The following PRKG1 variants were observed in gnomAD, a reference collection of about 807,000 sequenced individuals.
The protein encoded by PRKG1 is protein kinase cGMP-dependent 1, also known as cGMP-dependent protein kinase 1.
A neutral mutation model predicts 88.1 loss-of-function variants in PRKG1; 35 were observed. The ratio of observed to expected loss-of-function variants is 0.40; its 90% CI spans 0.30 to 0.53. PRKG1 has a LOEUF of 0.53. Ranked by LOEUF, PRKG1 falls within the 20% of genes least tolerant of loss-of-function variation. The pLI, the probability that PRKG1 is intolerant of heterozygous loss-of-function variation, is 0.59. For synonymous variants in PRKG1, 303 were observed against 292.5 expected, an observed-to-expected ratio of 1.04 and a Z score of -0.37; for missense variants, 540 against 839.8, an observed-to-expected ratio of 0.64 and a Z score of 4.41.
intron 3 of PRKG1, among the ~76,000 whole-genome samples, chr10:51,563,615 C>T (rs967660993): frequency 6.8e-6 from 1 of 148,126 alleles, no homozygotes; most frequent in East Asian, 1.9e-4. Flanking sequence ...GAACGTTTGT[C>T]GACTGTTACT....
At chr10:52,246,145 G>C (rs1841016196) in intron 9 of PRKG1, among the ~76,000 whole-genome samples, 1 of 152,130 alleles carries the variant, frequency 6.6e-6, no homozygotes, top group Non-Finnish European at 1.5e-5. Context: ...ATAAGGTGTA[G>C]CATCTGACTC....
At chr10:51,839,490 A>G (rs2132771637) in intron 4 of PRKG1, among the ~76,000 whole-genome samples, 1 of 152,344 alleles carries the variant, frequency 6.6e-6, no homozygotes, top group South Asian at 2.1e-4. Context: ...AGGAAATGTT[A>G]TGCTCAATAG....
chr10:52,012,245 CTTTT>C (rs34119029), intron 5 of PRKG1, among the ~76,000 whole-genome samples: 1 of 139,176 alleles, frequency 7.2e-6, no homozygotes. Flanking sequence ...ATTTATTTGC[CTTTT>C]TTTTTTTTTT....
chr10:51,580,680 C>A (rs971597433), intron 3 of PRKG1, among the ~76,000 whole-genome samples: 15 of 151,652 alleles, frequency 9.9e-5, no homozygotes, highest in African/African-American at 2.9e-4. Context: ...ATTTGAGGGG[C>A]AGCTATTTTT....
intron 4 of PRKG1, among the ~76,000 whole-genome samples, chr10:51,821,129 C>T (rs1839734017): frequency 6.6e-6 from 1 of 152,086 alleles, no homozygotes; most frequent in South Asian, 2.1e-4. Context: ...TGTCTGGTTT[C>T]TTTTGCTAAA....
chr10:51,440,655 T>C (rs1564496172), intron 2 of PRKG1, among the ~76,000 whole-genome samples: 1 of 152,014 alleles, frequency 6.6e-6, no homozygotes, highest in Non-Finnish European at 1.5e-5. Flanking sequence ...GTGATCATTA[T>C]AAATTCTGTC....
At chr10:51,240,410 G>T (rs781401808) in intron 2 of PRKG1, among the ~76,000 whole-genome samples, 28 of 152,112 alleles carry the variant, frequency 1.8e-4, no homozygotes, top group Admixed American at 1.3e-4. Context: ...AATTCTTCAA[G>T]ATTAATTTCA....
intron 3 of PRKG1, among the ~76,000 whole-genome samples, chr10:51,772,563 T>A (rs766927769): frequency 2.6e-5 from 4 of 152,160 alleles, no homozygotes; most frequent in Non-Finnish European, 4.4e-5. Context: ...TGCAAAAAAA[T>A]TAGCCATGGT....
At chr10:51,614,138 A>G (rs998548121) in intron 3 of PRKG1, among the ~76,000 whole-genome samples, 2 of 151,890 alleles carry the variant, frequency 1.3e-5, no homozygotes, top group Non-Finnish European at 2.9e-5. Flanking sequence ...CTTTAGATCT[A>G]GTAATATTTG....
At chr10:52,172,563 GAAT>G (rs570480733) in intron 9 of PRKG1, among the ~76,000 whole-genome samples, 27 of 152,226 alleles carry the variant, frequency 1.8e-4, no homozygotes, top group Admixed American at 4.6e-4. Context: ...AAGCAGAAAA[GAAT>G]AATACCTTTT....
chr10:51,808,994 C>T (rs1487037780), intron 4 of PRKG1, among the ~76,000 whole-genome samples: 3 of 152,156 alleles, frequency 2.0e-5, no homozygotes, highest in Non-Finnish European at 4.4e-5. Flanking sequence ...TGTTTCTTCT[C>T]ATTTTTCTGA....
intron 2 of PRKG1, among the ~76,000 whole-genome samples, chr10:51,300,813 G>T (rs1303916382): frequency 6.6e-6 from 1 of 152,212 alleles, no homozygotes; most frequent in Admixed American, 6.5e-5. Flanking sequence ...TCTCCTCCCT[G>T]TTAGCTTACC....
chr10:51,547,318 T>C (rs573928182), intron 3 of PRKG1, among the ~76,000 whole-genome samples: 1 of 152,142 alleles, frequency 6.6e-6, no homozygotes, highest in Admixed American at 6.6e-5. Flanking sequence ...AAGTCATTTA[T>C]TTATTTAATA....
At chr10:51,298,882 A>G (rs1478944398) in intron 2 of PRKG1, among the ~76,000 whole-genome samples, 1 of 152,206 alleles carries the variant, frequency 6.6e-6, no homozygotes, top group Non-Finnish European at 1.5e-5. Context: ...AAAAGGTTGG[A>G]AGCTTGATTG....
intron 5 of PRKG1, among the ~76,000 whole-genome samples, chr10:52,024,306 TA>T (rs2133197428): frequency 1.0e-5 from 1 of 100,092 alleles, no homozygotes; most frequent in South Asian, 3.2e-4. Context: ...TTCATTTATT[TA>T]TTTATTTAAC....
intron 5 of PRKG1, among the ~76,000 whole-genome samples, chr10:51,983,746 G>A (rs1192092209): frequency 1.3e-5 from 2 of 152,202 alleles, no homozygotes. Context: ...CCAGCTGAGT[G>A]TCTGTGGTGG....
At chr10:51,793,138 C>CAA (rs775904836) in intron 3 of PRKG1, among the ~76,000 whole-genome samples, 24,136 of 69,392 alleles carry the variant, frequency 0.35, 4,273 homozygotes, top group Non-Finnish European at 0.39. Context: ...CAGCACACTG[C>CAA]AAAAAAAAAA....
chr10:52,022,659 G>T (rs1372617366), intron 5 of PRKG1, among the ~76,000 whole-genome samples: 2 of 152,092 alleles, frequency 1.3e-5, no homozygotes, highest in African/African-American at 4.8e-5. Flanking sequence ...GTATGGTATA[G>T]CTCATCTGAA....
chr10:51,811,410 C>G (rs541962629), intron 4 of PRKG1, among the ~76,000 whole-genome samples: 16 of 151,770 alleles, frequency 1.1e-4, no homozygotes, highest in Non-Finnish European at 1.8e-4. Flanking sequence ...TAACTCAATC[C>G]AACAGGCACT....
Sources: gnomAD v4.1 joint callset for allele counts (sites outside exome capture counted in the v4.1 genomes callset) on GRCh38, gnomAD v4.1.1 for gene constraint, MANE v1.5 for transcripts, NCBI Gene and HGNC (gene_info 2026-07-23, HGNC 2026-07-21) for gene names.